CHRNA5: variants seen among roughly 807,000 people sequenced by gnomAD.
CHRNA5 encodes cholinergic receptor nicotinic alpha 5 subunit.
CHRNA5 carries 28 observed loss-of-function variants against 41.2 expected under a neutral mutation model. The observed-to-expected ratio is 0.68, with a 90% CI of 0.50 to 0.93. The LOEUF (loss-of-function observed/expected upper bound fraction) is 0.93. Ranked by LOEUF, CHRNA5 falls within the 40% of genes least tolerant of loss-of-function variation. The pLI is 0.00. For synonymous variants in CHRNA5, 188 were observed against 205.8 expected, an observed-to-expected ratio of 0.91 and a Z score of 0.74; for missense variants, 481 against 581.9, an observed-to-expected ratio of 0.83 and a Z score of 1.78.
chr15:78,575,309 G>C (rs2141403788), intron 1 of CHRNA5, among the ~76,000 whole-genome samples: 1 of 152,204 alleles, frequency 6.6e-6, no homozygotes, highest in East Asian at 1.9e-4. Flanking sequence ...TTATACCTTT[G>C]TTAGGTATTC....
At chr15:78,574,468 C>T (rs1406958540) in intron 1 of CHRNA5, among the ~76,000 whole-genome samples, 1 of 151,412 alleles carries the variant, frequency 6.6e-6, no homozygotes, top group Non-Finnish European at 1.5e-5. Flanking sequence ...TCTTAAACTA[C>T]CTAGACACTA....
chr15:78,583,252 A>C (rs1414694271), intron 2 of CHRNA5, among the ~76,000 whole-genome samples: 1 of 152,184 alleles, frequency 6.6e-6, no homozygotes, highest in Non-Finnish European at 1.5e-5. Context: ...AGTAATGTAC[A>C]TGGTTTTGAG....
chr15:78,591,359 A>G (rs1429314053), intron 5 of CHRNA5: 1 of 145,134 alleles, frequency 6.9e-6, no homozygotes, highest in Non-Finnish European at 1.5e-5. Context: ...CGACCGAGCA[A>G]GACTCCGTCT....
At chr15:78,578,136 G>A (rs1308681579) in intron 1 of CHRNA5, among the ~76,000 whole-genome samples, 2 of 152,164 alleles carry the variant, frequency 1.3e-5, no homozygotes, top group Non-Finnish European at 2.9e-5. Flanking sequence ...CTTCAATGCT[G>A]TGCATTTCAG....
At chr15:78,586,650 G>C in exon 3 of CHRNA5, 2 of 1,582,596 alleles carry the variant, frequency 1.3e-6, no homozygotes, top group Non-Finnish European at 1.7e-6. Flanking sequence ...TAAAGGATGA[G>C]AAAAATCAGT....
intron 1 of CHRNA5, among the ~76,000 whole-genome samples, chr15:78,573,792 AT>A (rs775402423): frequency 0.041 from 5,771 of 139,726 alleles, 312 homozygotes; most frequent in African/African-American, 0.13. Flanking sequence ...TGTTCCTAGA[AT>A]TTTTTTTTTT....
At chr15:78,566,978 C>T (rs1283004194) in intron 1 of CHRNA5, among the ~76,000 whole-genome samples, 2 of 152,102 alleles carry the variant, frequency 1.3e-5, no homozygotes, top group Non-Finnish European at 2.9e-5. Flanking sequence ...GCGGGCCGGG[C>T]GCGGTGGCTC....
intron 2 of CHRNA5, among the ~76,000 whole-genome samples, chr15:78,585,689 A>G (rs996298016): frequency 1.3e-5 from 2 of 152,198 alleles, no homozygotes; most frequent in Non-Finnish European, 2.9e-5. Context: ...GAGAAGTACC[A>G]AGGACCTCCA....
At chr15:78,581,053 A>T in intron 2 of CHRNA5, 91 bp downstream of exon 2, 5 of 1,344,116 alleles carry the variant, frequency 3.7e-6, no homozygotes, top group Non-Finnish European at 4.1e-6. Context: ...ACCAAGGATT[A>T]CAAAGGTGAT....
intron 1 of CHRNA5, among the ~76,000 whole-genome samples, chr15:78,577,181 G>C (rs2052866228): frequency 6.6e-6 from 1 of 152,212 alleles, no homozygotes; most frequent in Non-Finnish European, 1.5e-5. Context: ...AGAGCATGAA[G>C]CCAAGGTGCC....
At chr15:78,583,772 G>A (rs563155326) in intron 2 of CHRNA5, among the ~76,000 whole-genome samples, 92 of 152,230 alleles carry the variant, frequency 6.0e-4, no homozygotes, top group Non-Finnish European at 1.1e-3. Context: ...ATTGTGGTTT[G>A]AGGTGTTAAT....
intron 1 of CHRNA5, among the ~76,000 whole-genome samples, chr15:78,566,977 G>A (rs1324800582): frequency 6.6e-6 from 1 of 152,182 alleles, no homozygotes; most frequent in African/African-American, 2.4e-5. Context: ...GGCGGGCCGG[G>A]CGCGGTGGCT....
chr15:78,577,444 A>G (rs2052869217), intron 1 of CHRNA5, among the ~76,000 whole-genome samples: 1 of 152,238 alleles, frequency 6.6e-6, no homozygotes, highest in African/African-American at 2.4e-5. Flanking sequence ...AAAGTGTCCT[A>G]AGAAAATGGT....
intron 1 of CHRNA5, among the ~76,000 whole-genome samples, chr15:78,575,528 G>A (rs899177542): frequency 6.6e-6 from 1 of 152,076 alleles, no homozygotes; most frequent in Non-Finnish European, 1.5e-5. Flanking sequence ...AAGCTTTATA[G>A]TGACCCATTA....
intron 1 of CHRNA5, among the ~76,000 whole-genome samples, chr15:78,577,650 A>C (rs926445554): frequency 2.0e-5 from 3 of 152,108 alleles, no homozygotes; most frequent in African/African-American, 7.2e-5. Flanking sequence ...CAGACATTTT[A>C]GGCTGGGTGC....
In CHRNA5 at chr15:78,575,733, A is replaced by G. The variant is rs79000453; in HGVS notation, c.107-5078A>G. Among the ~76,000 whole-genome samples the G allele has an allele frequency of 3.7e-3, 571 of 152,328 alleles. 18 individuals carry two copies. The East Asian group carries it at 0.066, about 18-fold the overall frequency. On this transcript the variant is annotated intron_variant, in intron 1 of 5. Transcript: ENST00000299565. ...TCTACACTGTTAGCTAATCCTTACA[A>G]TGACCTCATAAGGGAGGTACTTTTT... is the stretch of plus-strand genomic sequence containing the variant.
At chr15:78,576,045 C>T (rs2052853559) in intron 1 of CHRNA5, among the ~76,000 whole-genome samples, 1 of 152,112 alleles carries the variant, frequency 6.6e-6, no homozygotes, top group Admixed American at 6.5e-5. Context: ...ATACAAGTCC[C>T]CTATCAGATA....
At chr15:78,581,268 T>A (rs2052911189) in intron 2 of CHRNA5, among the ~76,000 whole-genome samples, 1 of 152,188 alleles carries the variant, frequency 6.6e-6, no homozygotes. Context: ...AAAAGTTAGC[T>A]TGAAAGGAGG....
At chr15:78,575,966 T>C (rs534580207) in intron 1 of CHRNA5, among the ~76,000 whole-genome samples, 4 of 152,344 alleles carry the variant, frequency 2.6e-5, no homozygotes, top group African/African-American at 9.6e-5. Context: ...TTAGATCTCT[T>C]GCCCATTTAA....
Sources: allele counts gnomAD v4.1 joint callset (sites outside exome capture counted in the v4.1 genomes callset), GRCh38; gene constraint gnomAD v4.1.1; transcripts MANE v1.5; gene names NCBI Gene and HGNC (gene_info 2026-07-23, HGNC 2026-07-21).